The following CFAP74 variants were observed in gnomAD, a reference collection of about 807,000 sequenced individuals.
The protein encoded by CFAP74 is cilia and flagella associated protein 74, also known as cilia- and flagella-associated protein 74.
Under a neutral mutation model 188.9 loss-of-function variants are expected in CFAP74, and 124 were observed. That is an observed-to-expected ratio of 0.66 (90% CI 0.57 to 0.76). The LOEUF (loss-of-function observed/expected upper bound fraction) is 0.76. CFAP74 is among the 30% of genes least tolerant of loss of function. CFAP74 has a pLI of 0.00. For synonymous variants in CFAP74, 956 were observed against 916.7 expected, an observed-to-expected ratio of 1.04 and a Z score of -0.77; for missense variants, 2,198 against 2,165.2, an observed-to-expected ratio of 1.02 and a Z score of -0.30.
In CFAP74 at chr1:1,925,779, T is replaced by A. The variant is rs1183100488; in HGVS notation, c.4104+4A>T. The A allele has an allele frequency of 1.2e-6, 2 of 1,609,100 alleles. No individual in the cohort carries two copies. The highest frequency in any genetic ancestry group is 8.5e-7 in the Non-Finnish European group (1 of 1,177,342). On this transcript the variant is annotated splice_donor_region_variant and intron_variant, in intron 33 of 38. Transcript: ENST00000682832. The stretch of plus-strand genomic sequence containing the variant: ...GCCAGCACCAGGGCCCACGTGTGCT[T>A]CACCTTGAAGCCTGAGGACACAGAC...
In CFAP74 at chr1:1,968,327, C is replaced by G. The variant is rs112427596; in HGVS notation, c.1245+308G>C. Among the ~76,000 whole-genome samples the G allele has an allele frequency of 0.068, 10,400 of 152,102 alleles. 1,055 individuals are homozygous for G. Among genetic ancestry groups the G allele is most frequent in the African/African-American group, 0.22 (9,234 of 41,446 alleles). The stretch of plus-strand genomic sequence containing the variant: ...GCTCTACAGGGCCAGGCAAGGTGGT[C>G]CCAGCCTGGTGGGCAGCAACACTGC... On this transcript the variant is annotated intron_variant, in intron 11 of 38. Transcript: ENST00000682832. This position sits in a 1 kb window ranked among gnomAD's most constrained non-coding sequence, Gnocchi z 4.3.
intron 9 of CFAP74, 36 bp downstream of exon 9, chr1:1,971,944 C>A (rs760049076): frequency 6.5e-7 from 1 of 1,537,760 alleles, no homozygotes; most frequent in Non-Finnish European, 8.9e-7. Flanking sequence ...CGGCAGGGCG[C>A]CAAGGGAGAG....
intron 27 of CFAP74, 31 bp from the exon 28 acceptor site, chr1:1,927,777 T>C: frequency 1.3e-6 from 2 of 1,544,192 alleles, no homozygotes; most frequent in Non-Finnish European, 1.7e-6. Context: ...TGTGGGGCTG[T>C]GCAGGGCCCT....
In CFAP74 at chr1:1,927,636, C is replaced by T; in HGVS notation, c.3498G>A (p.Leu1166=). 1 of 1,550,126 alleles carries T rather than the reference C, an allele frequency of 6.5e-7. No homozygotes were observed. Among genetic ancestry groups the T allele is most frequent in the Middle Eastern group, 1.7e-4 (1 of 5,986 alleles). Residue 1166 remains leucine, a synonymous_variant, in exon 28 of 39, where the codon CTG becomes CTA. Transcript: ENST00000682832. ...GCCTCAGCTCCCGCTTCCGCATCTC[C>T]AGGACGTGGGGGACAGAGACTTTGA... ...KLFKVSVPHV[L]EMRKRELRPS... is the part of the protein sequence containing the mutation.
intron 1 of CFAP74, among the ~76,000 whole-genome samples, chr1:1,995,415 C>T (rs146640027): frequency 3.3e-5 from 5 of 151,432 alleles, no homozygotes; most frequent in African/African-American, 1.2e-4. Context: ...TCGTTTGAAC[C>T]CGGGAGGCGG....
chr1:1,931,749 A>T (rs988605922), intron 25 of CFAP74, among the ~76,000 whole-genome samples: 1 of 150,200 alleles, frequency 6.7e-6, no homozygotes, highest in African/African-American at 2.5e-5. Context: ...GTCTCAAAAA[A>T]AAAAAAAAAA....
At chr1:1,983,793 A>G (rs886206006) in intron 6 of CFAP74, 4 of 151,136 alleles carry the variant, frequency 2.6e-5, no homozygotes, top group African/African-American at 9.8e-5. Context: ...GGCTCACGCC[A>G]TTCTCCTGCC....
At chr1:1,930,363 C>T (rs1335094527) in intron 25 of CFAP74, 27 bp from the exon 26 acceptor site, 7 of 1,498,232 alleles carry the variant, frequency 4.7e-6, no homozygotes, top group South Asian at 1.3e-5. Context: ...GGGAGGCCCT[C>T]AGCCGTGCAG....
rs142799160 is a variant in CFAP74 at position 2,003,086 on chromosome 1, G to C, written c.-20+615C>G. On this transcript the variant is annotated intron_variant, in intron 1 of 38. Transcript: ENST00000682832. ...CATGGGGGAGAGACTTTGGGGTGCTGATGAGGTTCTATTTCTTAACTTGGG... is the reference window on the plus strand; with the variant it reads ...CATGGGGGAGAGACTTTGGGGTGCTCATGAGGTTCTATTTCTTAACTTGGG... 6.4e-4 allele frequency among the ~76,000 whole-genome samples: 97 copies of C among 152,300 alleles called. 1 individual carries two copies. In the East Asian group the frequency reaches 0.018, roughly 29 times the overall value.
At chr1:1,994,172 G>A (rs1371019052) in intron 1 of CFAP74, among the ~76,000 whole-genome samples, 1 of 76,430 alleles carries the variant, frequency 1.3e-5, no homozygotes, top group Non-Finnish European at 2.2e-5. Context: ...CTCTAAAAGG[G>A]TTAAAAAAAA....
chr1:1,957,922 G>A (rs1433162446), intron 16 of CFAP74, among the ~76,000 whole-genome samples: 2 of 152,230 alleles, frequency 1.3e-5, no homozygotes, highest in African/African-American at 2.4e-5. Context: ...CTGCTCGGGT[G>A]CCCTAGGACG....
rs530050095 is a variant in CFAP74 at position 1,965,158 on chromosome 1, G to C, written c.1402-97C>G. The C allele has an allele frequency of 1.5e-5, 18 of 1,222,326 alleles. 1 individual carries two copies. In the East Asian group the frequency reaches 3.0e-4, roughly 20 times the overall value. 75.7% of individuals were successfully genotyped at this position (1,222,326 alleles called of 1,614,324 possible). A position where few individuals can be genotyped will look rare whatever the true frequency, so the allele number is the denominator to read the frequency against. On this transcript the variant is annotated intron_variant, in intron 12 of 38. Transcript: ENST00000682832. The stretch of plus-strand genomic sequence containing the variant: ...GCGAGGGTAGCGGTTAGCAGAGCAC[G>C]GACAGCCCAGCCCCACCGGCTGCCA...
intron 1 of CFAP74, among the ~76,000 whole-genome samples, chr1:2,002,237 T>C (rs956191244): frequency 6.6e-6 from 1 of 152,176 alleles, no homozygotes; most frequent in African/African-American, 2.4e-5. Context: ...GCAACTTTTA[T>C]ACAAGTTTGG....
In CFAP74 at chr1:1,998,872, G is replaced by A. The variant is rs570764079; in HGVS notation, c.-20+4829C>T. 1.5e-4 allele frequency among the ~76,000 whole-genome samples: 23 copies of A among 151,994 alleles called. No homozygotes were observed. The East Asian group carries it at 4.1e-3, about 27-fold the overall frequency. ...AGCCTAGGCGACAGAGTGAGACTCC[G>A]TCTCGAAAAAAGTAATAATAAAATA... On this transcript the variant is annotated intron_variant, in intron 1 of 38. Coordinates refer to ENST00000682832, the MANE Select transcript of CFAP74 (RefSeq NM_001304360.2).
chr1:1,996,920 C>CAAAAAAAAAAAAA (rs200261557), intron 1 of CFAP74, among the ~76,000 whole-genome samples: 1 of 84,634 alleles, frequency 1.2e-5, no homozygotes, highest in Non-Finnish European at 2.4e-5. Context: ...GACTCTGTCT[C>CAAAAAAAAAAAAA]AAAAAAAAAA....
chr1:1,959,772 C>T (rs1015196821), intron 15 of CFAP74, among the ~76,000 whole-genome samples, 192 bp downstream of exon 15: 18 of 152,350 alleles, frequency 1.2e-4, no homozygotes, highest in South Asian at 4.1e-4. Context: ...AGCTGCGCCG[C>T]GGTTCTGCCC....
chr1:1,959,194 C>T lies in CFAP74; in HGVS notation c.1777G>A (p.Glu593Lys), dbSNP rs1050245340. 9 of 1,608,118 alleles carry T rather than the reference C, an allele frequency of 5.6e-6. No homozygotes were observed. The highest frequency in any genetic ancestry group is 2.7e-5 in the African/African-American group (2 of 74,828). ...TGAGCCAAAAATGAGATATTTCCTT[C>T]TAGATCCTTGTTTATCTAAAACATA... ...TFKPMINKDL[E>K]GNISFLAQTG... Residue 593 changes from glutamate (E) to lysine (K), a missense_variant, in exon 16 of 39, where the codon GAA becomes AAA. By Grantham distance (56) the Glu-to-Lys change is moderately conservative (BLOSUM62 1). Transcript: ENST00000682832.
intron 18 of CFAP74, among the ~76,000 whole-genome samples, chr1:1,949,228 G>A (rs932333495): frequency 1.4e-5 from 2 of 141,420 alleles, no homozygotes; most frequent in African/African-American, 5.2e-5. Flanking sequence ...GCATGATCTC[G>A]GCTCACCACA....
In CFAP74 at chr1:1,966,093, T is replaced by G. The variant is rs1655445876; in HGVS notation, c.1401+278A>C. Among the ~76,000 whole-genome samples the G allele has an allele frequency of 2.0e-5, 3 of 152,318 alleles. No individual in the cohort carries two copies. In the South Asian group the frequency reaches 6.2e-4, roughly 32 times the overall value. ...TTCAGCTTTGGAGCCCCACCGTCCC[T>G]CCCCGTTACACCATGGTGACCGAGC... On this transcript the variant is annotated intron_variant, in intron 12 of 38. Coordinates refer to ENST00000682832, the MANE Select transcript of CFAP74 (RefSeq NM_001304360.2).
Sources: allele counts gnomAD v4.1 joint callset (sites outside exome capture counted in the v4.1 genomes callset), GRCh38; gene constraint gnomAD v4.1.1; non-coding constraint Gnocchi (gnomAD v3.1); transcripts MANE v1.5; gene names NCBI Gene and HGNC (gene_info 2026-07-23, HGNC 2026-07-21).